The following GLIS3 variants were observed in gnomAD, a reference collection of about 807,000 sequenced individuals.
GLIS3 encodes GLIS family zinc finger 3, also known as zinc finger protein GLIS3.
A neutral mutation model predicts 78.6 loss-of-function variants in GLIS3; 53 were observed. That is an observed-to-expected ratio of 0.67 (90% confidence interval 0.54 to 0.85). The LOEUF (loss-of-function observed/expected upper bound fraction) is 0.85. Ranked by LOEUF, GLIS3 falls within the 40% of genes least tolerant of loss-of-function variation. The pLI, the probability that GLIS3 is intolerant of heterozygous loss-of-function variation, is 0.00. For synonymous variants in GLIS3, 684 were observed against 509.9 expected (o/e 1.34, Z -4.60); for missense variants, 1,703 against 1,231.1 (o/e 1.38, Z -5.74).
At chr9:3,866,048 G>C (rs773411555) in intron 8 of GLIS3, among the ~76,000 whole-genome samples, 2 of 152,128 alleles carry the variant, frequency 1.3e-5, no homozygotes, top group Non-Finnish European at 2.9e-5. Context: ...GGTGGAAGAA[G>C]AACAATTGCC....
rs1427994768 is a variant in GLIS3 at position 4,286,238 on chromosome 9, G to A, written c.188C>T (p.Pro63Leu). 6 of 1,614,114 alleles carry A rather than the reference G, an allele frequency of 3.7e-6. No homozygotes were observed. The Admixed American group carries it at 5.0e-5, about 13-fold the overall frequency. The part of the protein sequence containing the change: ...SLANNLHLKM[P>L]SGGGMAPQNN... ...CTGAGGAGCCATCCCTCCTCCTGAGGGCATCTTGAGATGGAGGTTGTTAGC... is the reference window on the plus strand; with the variant it reads ...CTGAGGAGCCATCCCTCCTCCTGAGAGCATCTTGAGATGGAGGTTGTTAGC... Residue 63 changes from proline to leucine, a missense_variant, in exon 2 of 11, where the codon CCC becomes CTC. Coordinates refer to ENST00000381971, the MANE Select transcript of GLIS3 (RefSeq NM_001042413.2).
At chr9:4,051,248 C>T (rs144071632) in intron 4 of GLIS3, among the ~76,000 whole-genome samples, 1 of 152,132 alleles carries the variant, frequency 6.6e-6, no homozygotes, top group East Asian at 1.9e-4. Flanking sequence ...CATTCAATTG[C>T]TTATTTCGAA....
At chr9:4,231,562 C>T (rs992015747) in intron 2 of GLIS3, among the ~76,000 whole-genome samples, 38 of 152,214 alleles carry the variant, frequency 2.5e-4, no homozygotes, top group African/African-American at 8.9e-4. Context: ...CATCTAGATA[C>T]ATTATGATGG....
intron 4 of GLIS3, among the ~76,000 whole-genome samples, chr9:3,974,531 G>C (rs1291917898): frequency 1.3e-5 from 2 of 152,166 alleles, no homozygotes; most frequent in Non-Finnish European, 2.9e-5. Context: ...CCCAATGACA[G>C]ACATATGAGG....
At chr9:4,155,913 C>A (rs2131060634) in intron 2 of GLIS3, among the ~76,000 whole-genome samples, 1 of 152,320 alleles carries the variant, frequency 6.6e-6, no homozygotes, top group Middle Eastern at 3.4e-3. Context: ...ATCATAGGAA[C>A]ACCTAAGCAT....
intron 4 of GLIS3, among the ~76,000 whole-genome samples, chr9:4,045,453 A>G (rs1027317959): frequency 5.3e-5 from 8 of 151,120 alleles, no homozygotes; most frequent in African/African-American, 1.7e-4. Context: ...CTCCTTCCTC[A>G]GCCTCCCGAG....
chr9:4,394,309 AT>A, the GLIS3 span, among the ~76,000 whole-genome samples: 1 of 150,440 alleles, frequency 6.6e-6, no homozygotes, highest in Admixed American at 6.7e-5. Flanking sequence ...AAATTAAATA[AT>A]TTAAAAATTA....
intron 1 of GLIS3, among the ~76,000 whole-genome samples, chr9:4,289,574 T>G (rs1048907603): frequency 1.3e-4 from 20 of 152,090 alleles, no homozygotes; most frequent in African/African-American, 4.3e-4. Context: ...AAGAGCACCT[T>G]TCTAGTTAAA....
the GLIS3 span, among the ~76,000 whole-genome samples, chr9:4,406,767 CTA>C: frequency 6.6e-6 from 1 of 152,062 alleles, no homozygotes. Flanking sequence ...TCAATAAAAA[CTA>C]TAAAACACTC....
At chr9:4,240,765 T>C (rs1823226207) in intron 2 of GLIS3, among the ~76,000 whole-genome samples, 2 of 152,152 alleles carry the variant, frequency 1.3e-5, no homozygotes, top group African/African-American at 4.8e-5. Context: ...CTAGGCTTAA[T>C]AGCTGGGTGA....
intron 4 of GLIS3, among the ~76,000 whole-genome samples, chr9:3,991,795 A>G: frequency 6.9e-6 from 1 of 144,288 alleles, no homozygotes; most frequent in Non-Finnish European, 1.5e-5. Flanking sequence ...GCTTCATGCC[A>G]TTCTCCTGCC....
At chr9:4,401,201 C>T in the GLIS3 span, among the ~76,000 whole-genome samples, 1 of 152,036 alleles carries the variant, frequency 6.6e-6, no homozygotes, top group Non-Finnish European at 1.5e-5. Context: ...ATGGTGAGTC[C>T]CAGGCCTGGC....
intron 6 of GLIS3, among the ~76,000 whole-genome samples, chr9:3,916,337 G>A (rs1296258080): frequency 1.3e-5 from 2 of 152,184 alleles, no homozygotes; most frequent in Non-Finnish European, 2.9e-5. Context: ...CCCACTGGGG[G>A]ACCAAGCAAA....
At chr9:4,062,981 G>C (rs1466669333) in intron 4 of GLIS3, among the ~76,000 whole-genome samples, 1 of 151,410 alleles carries the variant, frequency 6.6e-6, no homozygotes, top group Non-Finnish European at 1.5e-5. Flanking sequence ...GTATGCAAAC[G>C]ACACAAATTC....
At chr9:4,298,565 C>G in intron 1 of GLIS3, 1 of 311,786 alleles carries the variant, frequency 3.2e-6, no homozygotes, top group Non-Finnish European at 6.4e-6. Context: ...GAGAGCGACC[C>G]GGGCCGACTT....
the GLIS3 span, among the ~76,000 whole-genome samples, chr9:4,382,739 T>C: frequency 6.6e-6 from 1 of 152,200 alleles, no homozygotes. Flanking sequence ...TATATTTTAA[T>C]ACCTCTCAGA....
chr9:4,180,491 G>A (rs761471677), intron 2 of GLIS3, among the ~76,000 whole-genome samples: 4 of 152,134 alleles, frequency 2.6e-5, no homozygotes, highest in Non-Finnish European at 5.9e-5. Flanking sequence ...GGGATTAAAT[G>A]AAACACCCTT....
chr9:3,956,824 T>A (rs1817143791), intron 4 of GLIS3, among the ~76,000 whole-genome samples: 1 of 152,242 alleles, frequency 6.6e-6, no homozygotes, highest in Admixed American at 6.5e-5. Flanking sequence ...ATCTGGCTTT[T>A]TTCTTTTGCA....
chr9:4,287,156 T>G (rs1022780062), intron 1 of GLIS3, among the ~76,000 whole-genome samples: 1 of 152,142 alleles, frequency 6.6e-6, no homozygotes, highest in Non-Finnish European at 1.5e-5. Context: ...TCCTGAGTTA[T>G]GGGGATGGGA....
Sources: gnomAD v4.1 joint callset for allele counts (sites outside exome capture counted in the v4.1 genomes callset) on GRCh38, gnomAD v4.1.1 for gene constraint, MANE v1.5 for transcripts, NCBI Gene and HGNC (gene_info 2026-07-23, HGNC 2026-07-21) for gene names.